PTPN12: variants seen among roughly 807,000 people sequenced by gnomAD.
PTPN12 encodes protein tyrosine phosphatase non-receptor type 12.
In PTPN12, 29 loss-of-function variants were observed where a neutral mutation model predicts 97.6. The ratio of observed to expected loss-of-function variants is 0.30; its 90% confidence interval spans 0.22 to 0.41. The LOEUF (loss-of-function observed/expected upper bound fraction) is 0.41. Ranked by LOEUF, PTPN12 falls within the 10% of genes least tolerant of loss-of-function variation. The pLI, the probability that PTPN12 is intolerant of heterozygous loss-of-function variation, is 1.00. For synonymous variants in PTPN12, 327 were observed against 300.4 expected (o/e 1.09, Z -0.91); for missense variants, 819 against 926.0 (o/e 0.88, Z 1.50).
At chr7:77,549,045 A>G (rs931781166) in intron 1 of PTPN12, among the ~76,000 whole-genome samples, 4 of 152,202 alleles carry the variant, frequency 2.6e-5, no homozygotes, top group African/African-American at 9.7e-5. Flanking sequence ...TTTATCTCAA[A>G]TTATGGAAAG....
intron 11 of PTPN12, 39 bp downstream of exon 11, chr7:77,611,085 C>T: frequency 6.8e-7 from 1 of 1,480,166 alleles, no homozygotes; most frequent in South Asian, 1.2e-5. Context: ...GAAACTTTTA[C>T]TCTTTGTTAA....
intron 1 of PTPN12, among the ~76,000 whole-genome samples, chr7:77,547,941 T>C (rs1401340715): frequency 6.6e-6 from 1 of 152,202 alleles, no homozygotes; most frequent in Non-Finnish European, 1.5e-5. Context: ...GAATATCAGC[T>C]TAAATGCTAT....
At chr7:77,540,952 T>C (rs1423733796) in intron 1 of PTPN12, among the ~76,000 whole-genome samples, 1 of 152,232 alleles carries the variant, frequency 6.6e-6, no homozygotes, top group Admixed American at 6.5e-5. Context: ...TAATAATGCC[T>C]TACACTTAGA....
intron 1 of PTPN12, among the ~76,000 whole-genome samples, chr7:77,547,841 G>C (rs761940651): frequency 3.3e-5 from 5 of 152,326 alleles, no homozygotes; most frequent in African/African-American, 9.6e-5. Flanking sequence ...GATAAACAGA[G>C]ATAGAACTGT....
chr7:77,612,364 A>T (rs1788599680), intron 11 of PTPN12, among the ~76,000 whole-genome samples: 1 of 152,254 alleles, frequency 6.6e-6, no homozygotes, highest in South Asian at 2.1e-4. Flanking sequence ...CCTTTAGCTT[A>T]ATTAAATCCT....
At chr7:77,635,646 C>A (rs1789561849) in intron 14 of PTPN12, 136 bp from the exon 15 acceptor site, 3 of 475,904 alleles carry the variant, frequency 6.3e-6, no homozygotes, top group South Asian at 8.8e-5. Flanking sequence ...CAGAAATATG[C>A]TTACCCAGAA....
At chr7:77,614,122 G>A (rs1322716368) in intron 11 of PTPN12, among the ~76,000 whole-genome samples, 4 of 151,836 alleles carry the variant, frequency 2.6e-5, no homozygotes, top group African/African-American at 7.2e-5. Context: ...GGCTCCAACA[G>A]TCCTCCCCCA....
intron 13 of PTPN12, 149 bp from the exon 14 acceptor site, chr7:77,632,199 A>G: frequency 1.6e-6 from 1 of 631,998 alleles, no homozygotes; most frequent in Non-Finnish European, 2.8e-6. Context: ...AATTCTTGAT[A>G]ATGAGTGGAA....
intron 8 of PTPN12, among the ~76,000 whole-genome samples, chr7:77,604,255 G>T (rs1246553627): frequency 8.8e-6 from 1 of 113,894 alleles, no homozygotes; most frequent in South Asian, 2.9e-4. Context: ...TTGGGCTGTC[G>T]CCTGGGCTGG....
intron 1 of PTPN12, among the ~76,000 whole-genome samples, chr7:77,554,921 C>T (rs1386176830): frequency 6.6e-6 from 1 of 152,128 alleles, no homozygotes; most frequent in Non-Finnish European, 1.5e-5. Context: ...CTCCTGGGCT[C>T]AAACCATCCA....
intron 4 of PTPN12, 64 bp from the exon 5 acceptor site, chr7:77,585,479 T>C: frequency 7.0e-7 from 1 of 1,433,040 alleles, no homozygotes; most frequent in East Asian, 2.3e-5. Flanking sequence ...CTGTATTTTA[T>C]TAAAAAGTAA....
In PTPN12 at chr7:77,613,222, T is replaced by C. The variant is rs530288170; in HGVS notation, c.939+2176T>C. 1.1e-3 allele frequency among the ~76,000 whole-genome samples: 143 copies of C among 127,096 alleles called. 1 individual carries two copies. The highest frequency in any genetic ancestry group is 4.2e-3 in the African/African-American group (135 of 32,256). 83.4% of individuals were successfully genotyped at this position (127,096 alleles called of 152,430 possible). On this transcript the variant is annotated intron_variant, in intron 11 of 17. Transcript: ENST00000248594. ...TGGAGTCTCGCTCTGTTGCCCAGAA[T>C]GGAGTGCAGTAGCACAGTCTCGGCT...
At chr7:77,578,768 C>T (rs1033229897) in intron 2 of PTPN12, among the ~76,000 whole-genome samples, 2 of 152,110 alleles carry the variant, frequency 1.3e-5, no homozygotes, top group African/African-American at 4.8e-5. Context: ...TGGCATTTTA[C>T]ATGTTATATG....
In PTPN12 at chr7:77,592,252, C is replaced by A. The variant is rs1250548556; in HGVS notation, c.488C>A (p.Ser163Tyr). Residue 163 changes from serine (S) to tyrosine (Y), a missense_variant, in exon 6 of 18, where the codon TCT (serine) becomes TAT (tyrosine). By Grantham distance (144) the Ser-to-Tyr change is moderately radical. Transcript: ENST00000248594. ...ATAACGTTTGCACCATTTAAAATTT[C>A]TTGTGTAAGTATCCATTTTTGTAAA... is the stretch of plus-strand genomic sequence containing the variant. ...DPITFAPFKI[S>Y]CEDEQARTDY... 2.5e-6 allele frequency: 4 copies of A among 1,606,120 alleles called. No homozygotes were observed. The highest frequency in any genetic ancestry group is 3.4e-6 in the Non-Finnish European group (4 of 1,177,292).
At chr7:77,566,875 T>G (rs1188169317) in intron 1 of PTPN12, among the ~76,000 whole-genome samples, 1 of 152,174 alleles carries the variant, frequency 6.6e-6, no homozygotes, top group African/African-American at 2.4e-5. Context: ...TTTGCCCAGT[T>G]AATACAGTAA....
chr7:77,544,270 C>A (rs1258921058), intron 1 of PTPN12, among the ~76,000 whole-genome samples: 1 of 152,146 alleles, frequency 6.6e-6, no homozygotes, highest in Admixed American at 6.5e-5. Flanking sequence ...ATTTGTCTTT[C>A]AAAGCTAGAG....
chr7:77,538,152 G>A, intron 1 of PTPN12: 4 of 977,374 alleles, frequency 4.1e-6, no homozygotes, highest in Non-Finnish European at 2.4e-6. Context: ...TGGTCTCAAA[G>A]CGGGCAGGGT....
chr7:77,602,439 A>C (rs1399146665), intron 8 of PTPN12, among the ~76,000 whole-genome samples: 2 of 152,140 alleles, frequency 1.3e-5, no homozygotes, highest in Non-Finnish European at 2.9e-5. Context: ...GGAAAAGCAC[A>C]AAACTGAATT....
intron 1 of PTPN12, among the ~76,000 whole-genome samples, chr7:77,559,085 G>C (rs143572205): frequency 7.9e-5 from 12 of 152,250 alleles, no homozygotes; most frequent in African/African-American, 2.6e-4. Context: ...CTGGAATTTT[G>C]GTATATTCTT....
Sources: allele counts gnomAD v4.1 joint callset (sites outside exome capture counted in the v4.1 genomes callset), GRCh38; gene constraint gnomAD v4.1.1; transcripts MANE v1.5; gene names NCBI Gene and HGNC (gene_info 2026-07-23, HGNC 2026-07-21).